Variants in RRP12 observed in about 807,000 individuals in gnomAD.
The protein encoded by RRP12 is RRP12-like protein.
RRP12 carries 78 observed loss-of-function variants against 157.3 expected under a neutral mutation model. The observed-to-expected ratio is 0.50, with a 90% confidence interval of 0.41 to 0.60. The LOEUF is 0.60. RRP12 is among the 20% of genes least tolerant of loss of function. RRP12 has a pLI of 0.00. For synonymous variants in RRP12, 726 were observed against 670.9 expected, an observed-to-expected ratio of 1.08 and a Z score of -1.27; for missense variants, 1,521 against 1,679.9, an observed-to-expected ratio of 0.91 and a Z score of 1.65.
intron 8 of RRP12, among the ~76,000 whole-genome samples, chr10:97,387,534 T>C (rs1247875839): frequency 2.0e-5 from 3 of 152,018 alleles, no homozygotes; most frequent in African/African-American, 4.8e-5. Context: ...GTTGAATTTA[T>C]GGCTGTGGGA....
At chr10:97,364,950 G>A (rs1331192975) in intron 29 of RRP12, among the ~76,000 whole-genome samples, 1 of 152,156 alleles carries the variant, frequency 6.6e-6, no homozygotes, top group East Asian at 1.9e-4. Context: ...GTATACAGGG[G>A]CGAGAGAGGA....
In RRP12 at chr10:97,398,687, A is replaced by G. The variant is rs374159117; in HGVS notation, c.369+1618T>C. 7.2e-5 allele frequency among the ~76,000 whole-genome samples: 11 copies of G among 152,206 alleles called. No homozygotes were observed. In the East Asian group the frequency reaches 2.1e-3, roughly 29 times the overall value. On this transcript the variant is annotated intron_variant, in intron 2 of 33. Coordinates refer to ENST00000370992, the MANE Select transcript of RRP12 (RefSeq NM_015179.4). ...TAAATTTCAACTACTCATAATTTAA[A>G]ATATTTGATCTATTTACTAGAAAAC... is the stretch of plus-strand genomic sequence containing the variant.
In RRP12 at chr10:97,396,949, G is replaced by C. The variant is rs577391210; in HGVS notation, c.370-648C>G. On this transcript the variant is annotated intron_variant, in intron 2 of 33. Coordinates refer to ENST00000370992, the MANE Select transcript of RRP12 (RefSeq NM_015179.4). Reference sequence around the variant, plus strand: ...CCAGCTAATTTCTGTATTTTTAGTAGAGATGGGGTTTTACCATGTTGACCA... The same window carrying C: ...CCAGCTAATTTCTGTATTTTTAGTACAGATGGGGTTTTACCATGTTGACCA... Among the ~76,000 whole-genome samples the C allele has an allele frequency of 3.3e-5, 5 of 151,902 alleles. 1 individual carries two copies. In the East Asian group the frequency reaches 9.8e-4, roughly 30 times the overall value.
intron 13 of RRP12, 80 bp from the exon 14 acceptor site, chr10:97,379,850 G>T: frequency 7.0e-7 from 1 of 1,432,204 alleles, no homozygotes; most frequent in Non-Finnish European, 9.4e-7. Flanking sequence ...GAACGATGAG[G>T]CTGGAATTCT....
intron 23 of RRP12, 47 bp downstream of exon 23, chr10:97,370,408 A>G: frequency 1.9e-6 from 2 of 1,078,618 alleles, no homozygotes. Flanking sequence ...GCTTCCCCCC[A>G]CCCAGTCTAT....
intron 31 of RRP12, among the ~76,000 whole-genome samples, chr10:97,359,888 A>G (rs1450301297): frequency 1.3e-5 from 2 of 152,212 alleles, no homozygotes; most frequent in African/African-American, 4.8e-5. Flanking sequence ...CAGCTGCGTT[A>G]TGATGCTCTA....
At chr10:97,385,554 T>C (rs1452043653) in intron 9 of RRP12, among the ~76,000 whole-genome samples, 2 of 151,614 alleles carry the variant, frequency 1.3e-5, no homozygotes, top group Non-Finnish European at 2.9e-5. Context: ...TACATTTTGC[T>C]AACAATTTGG....
chr10:97,386,253 T>C (rs1844628200), intron 8 of RRP12, among the ~76,000 whole-genome samples: 1 of 147,382 alleles, frequency 6.8e-6, no homozygotes, highest in Non-Finnish European at 1.5e-5. Context: ...AAACGGTCTG[T>C]TACAGCTGTA....
In RRP12 at chr10:97,396,256, C is replaced by T. The variant is rs1283773848; in HGVS notation, c.415G>A (p.Gly139Arg). ...AAVTEVIRSQ[G>R]GKETETEYFA... ...TACTCAGTCTCCGTCTCCTTCCCTCCCTGGGAGCGAATCACCTCAGTGACA... is the reference window on the plus strand; with the variant it reads ...TACTCAGTCTCCGTCTCCTTCCCTCTCTGGGAGCGAATCACCTCAGTGACA... Residue 139 changes from glycine to arginine, a missense_variant, in exon 3 of 34, where the codon GGA (glycine) becomes AGA (arginine). Coordinates refer to ENST00000370992, the MANE Select transcript of RRP12 (RefSeq NM_015179.4). The T allele has an allele frequency of 7.4e-6, 12 of 1,613,900 alleles. No homozygotes were observed. Among genetic ancestry groups the T allele is most frequent in the South Asian group, 1.1e-5 (1 of 91,076 alleles).
At chr10:97,373,414 C>T (rs1313084752) in intron 17 of RRP12, among the ~76,000 whole-genome samples, 161 bp downstream of exon 17, 2 of 152,158 alleles carry the variant, frequency 1.3e-5, no homozygotes, top group African/African-American at 4.8e-5. Flanking sequence ...CCCAGGGAGC[C>T]AGCAAAGTTA....
chr10:97,366,305 A>G (rs1214361904), intron 28 of RRP12, 72 bp from the exon 29 acceptor site: 3 of 1,584,570 alleles, frequency 1.9e-6, no homozygotes, highest in African/African-American at 2.7e-5. Flanking sequence ...ATGACCAACA[A>G]GCCCGGCTCA....
chr10:97,393,084 C>T, intron 4 of RRP12: 1 of 273,170 alleles, frequency 3.7e-6, no homozygotes, highest in South Asian at 3.8e-5. Flanking sequence ...ACCATGTTGG[C>T]CAGGATGGTC....
In RRP12 at chr10:97,379,361, A is replaced by G. The variant is rs761632384; in HGVS notation, c.1730T>C (p.Val577Ala). Reference protein sequence around the residue: ...SWLLPVIRDHVQETRLGFFTT... With the variant: ...SWLLPVIRDHAQETRLGFFTT... ...GAAAAAACCAAGTCGCGTTTCCTGA[A>G]CATGGTCTCGGATGACAGGCAGCAG... is the stretch of plus-strand genomic sequence containing the variant. Residue 577 changes from valine to alanine, a missense_variant, in exon 15 of 34, where the codon GTT becomes GCT. By Grantham distance (64) the Val-to-Ala change is moderately conservative. Transcript: ENST00000370992. 9 of 1,614,030 alleles carry G rather than the reference A, an allele frequency of 5.6e-6. No homozygotes were observed. In the African/African-American group the frequency reaches 1.2e-4, roughly 22 times the overall value.
chr10:97,386,712 C>T (rs375070777), intron 8 of RRP12, among the ~76,000 whole-genome samples: 12 of 152,078 alleles, frequency 7.9e-5, no homozygotes, highest in East Asian at 3.9e-4. Context: ...TATACAAGGC[C>T]GGGTGCAGAG....
chr10:97,371,173 G>A (rs1053700149), intron 20 of RRP12, 92 bp from the exon 21 acceptor site: 1 of 1,372,814 alleles, frequency 7.3e-7, no homozygotes, highest in Non-Finnish European at 1.0e-6. Context: ...GGGATTCTGA[G>A]CAGGGGTCCG....
chr10:97,367,441 A>G, intron 25 of RRP12: 1 of 412,338 alleles, frequency 2.4e-6, no homozygotes, highest in East Asian at 4.8e-5. Flanking sequence ...CCTGAGATAC[A>G]TGCTATCACC....
intron 15 of RRP12, among the ~76,000 whole-genome samples, chr10:97,375,409 T>C (rs1214595108): frequency 6.6e-6 from 1 of 152,134 alleles, no homozygotes; most frequent in Non-Finnish European, 1.5e-5. Context: ...TGGCCAAAAG[T>C]AGGGCTTTAC....
chr10:97,357,721 G>A (rs1843745401), intron 33 of RRP12, among the ~76,000 whole-genome samples: 1 of 152,194 alleles, frequency 6.6e-6, no homozygotes, highest in Non-Finnish European at 1.5e-5. Context: ...CACTTTGGGA[G>A]GCCGAGGTGG....
Position 97,398,006 on chromosome 10 carries a change from C to CATAT in RRP12, c.370-1709_370-1706dup, listed in dbSNP as rs376314087. ...AAAAAAAAATACGTATATATATATA[C>CATAT]ATATATATATATATATGTATATATA... On this transcript the variant is annotated intron_variant, in intron 2 of 33. Coordinates refer to ENST00000370992, the MANE Select transcript of RRP12 (RefSeq NM_015179.4). 3.0e-3 allele frequency among the ~76,000 whole-genome samples: 142 copies of CATAT among 47,192 alleles called. 9 individuals carry two copies. Among genetic ancestry groups the CATAT allele is most frequent in the East Asian group, 0.028 (60 of 2,156 alleles). 31.0% of individuals were successfully genotyped at this position (47,192 alleles called of 152,430 possible).
Sources: gnomAD v4.1 joint callset for allele counts (sites outside exome capture counted in the v4.1 genomes callset) on GRCh38, gnomAD v4.1.1 for gene constraint, MANE v1.5 for transcripts, NCBI Gene and HGNC (gene_info 2026-07-23, HGNC 2026-07-21) for gene names.